The following COX10 variants were observed in gnomAD, a reference collection of about 807,000 sequenced individuals.
COX10 encodes cytochrome c oxidase assembly factor heme A:farnesyltransferase COX10.
COX10 carries 27 observed loss-of-function variants against 37.3 expected under a neutral mutation model. That is an observed-to-expected ratio of 0.72 (90% CI 0.53 to 1.00). COX10 has a LOEUF of 1.00. COX10 is among the 50% of genes least tolerant of loss of function. COX10 has a pLI of 0.00. For missense variants in COX10, 475 were observed against 563.2 expected (o/e 0.84, Z 1.59); for synonymous variants, 222 against 229.1 (o/e 0.97, Z 0.28).
chr17:14,103,109 T>C (rs781752562), intron 4 of COX10, among the ~76,000 whole-genome samples: 23 of 151,780 alleles, frequency 1.5e-4, no homozygotes, highest in Non-Finnish European at 2.8e-4. Context: ...AGTTTTTTTG[T>C]TGTTGTTGTT....
At chr17:14,186,903 A>C (rs1403575609) in intron 5 of COX10, among the ~76,000 whole-genome samples, 3 of 152,002 alleles carry the variant, frequency 2.0e-5, no homozygotes, top group African/African-American at 7.2e-5. Context: ...CCTGTTTCCA[A>C]GTTATTTTAC....
rs1286752691 is a variant in COX10, at chr17:14,080,058, G to A, written c.499+3002G>A. Among the ~76,000 whole-genome samples the A allele has an allele frequency of 3.3e-5, 5 of 151,848 alleles. 1 individual carries two copies. The highest frequency in any genetic ancestry group is 3.4e-3 in the Middle Eastern group (1 of 292). On this transcript the variant is annotated intron_variant, in intron 3 of 6. Transcript: ENST00000261643. ...TTAAAAGCAACTCTGTTACTTTTAC[G>A]TATACGTCTTTGTACTCACGTGAGT... is the stretch of plus-strand genomic sequence containing the variant.
chr17:14,070,278 C>T (rs965250095), intron 1 of COX10, among the ~76,000 whole-genome samples: 1 of 152,144 alleles, frequency 6.6e-6, no homozygotes, highest in African/African-American at 2.4e-5. Flanking sequence ...TTATAGAGAC[C>T]ACCCTATATA....
rs149766598 is a variant in COX10, at chr17:14,127,563, A to G, written c.624+25321A>G. 3.8e-3 allele frequency among the ~76,000 whole-genome samples: 572 copies of G among 152,310 alleles called. 17 individuals carry two copies. The highest frequency in any genetic ancestry group is 0.032 in the Admixed American group (494 of 15,298). ...ACATACAAAAATTCAAGTGCAGTTA[A>G]TGCATTCTATTTATAATATTCATGT... On this transcript the variant is annotated intron_variant, in intron 4 of 6. Coordinates refer to ENST00000261643, the MANE Select transcript of COX10 (RefSeq NM_001303.4).
At chr17:14,126,152 T>C (rs1006807344) in intron 4 of COX10, among the ~76,000 whole-genome samples, 1 of 152,178 alleles carries the variant, frequency 6.6e-6, no homozygotes, top group Non-Finnish European at 1.5e-5. Context: ...CTTTCATTAC[T>C]TTCTATTTAT....
intron 5 of COX10, among the ~76,000 whole-genome samples, chr17:14,186,481 A>AC: frequency 6.6e-6 from 1 of 151,334 alleles, no homozygotes; most frequent in East Asian, 1.9e-4. Context: ...TCCTAGAAAC[A>AC]CCCCCTGTCC....
At chr17:14,095,832 T>G (rs2142195706) in intron 3 of COX10, among the ~76,000 whole-genome samples, 1 of 152,314 alleles carries the variant, frequency 6.6e-6, no homozygotes, top group East Asian at 1.9e-4. Flanking sequence ...GGAAGCAGCC[T>G]GTAGTGCTTG....
At chr17:14,070,132 G>A (rs937498806) in intron 1 of COX10, among the ~76,000 whole-genome samples, 3 of 152,082 alleles carry the variant, frequency 2.0e-5, no homozygotes, top group Non-Finnish European at 2.9e-5. Flanking sequence ...TCAGACTTTT[G>A]TCTCTGTACC....
chr17:14,202,766 C>G (rs746397206), intron 6 of COX10, among the ~76,000 whole-genome samples: 1 of 151,260 alleles, frequency 6.6e-6, no homozygotes, highest in Non-Finnish European at 1.5e-5. Context: ...CCTGTTCCCC[C>G]CTGCGCTGGG....
At chr17:14,107,618 C>T (rs536194762) in intron 4 of COX10, among the ~76,000 whole-genome samples, 1 of 151,842 alleles carries the variant, frequency 6.6e-6, no homozygotes, top group Non-Finnish European at 1.5e-5. Context: ...CCTCAGCTTT[C>T]ACCCTCTTTG....
chr17:14,077,766 C>A lies in COX10; in HGVS notation c.499+710C>A, dbSNP rs553886232. 2.0e-5 allele frequency among the ~76,000 whole-genome samples: 3 copies of A among 152,182 alleles called. No homozygotes were observed. The South Asian group carries it at 6.2e-4, about 32-fold the overall frequency. On this transcript the variant is annotated intron_variant, in intron 3 of 6. Transcript: ENST00000261643. Reference sequence around the variant, plus strand: ...CAACTTGAGGGAGACCTGGTTTATTCTTCTTAAATGAGAATAAAGAGACTG... The same window carrying A: ...CAACTTGAGGGAGACCTGGTTTATTATTCTTAAATGAGAATAAAGAGACTG...
At chr17:14,184,669 A>G (rs1905972564) in intron 5 of COX10, among the ~76,000 whole-genome samples, 1 of 152,248 alleles carries the variant, frequency 6.6e-6, no homozygotes, top group Non-Finnish European at 1.5e-5. Flanking sequence ...CTAATTGATA[A>G]CAGAGCTAGT....
Position 14,202,657 on chromosome 17 carries a change from G to A in COX10, c.929-4153G>A, listed in dbSNP as rs562974119. 1.4e-4 allele frequency among the ~76,000 whole-genome samples: 21 copies of A among 152,142 alleles called. No individual in the cohort carries two copies. The East Asian group carries it at 2.7e-3, about 20-fold the overall frequency. ...ACTTAAAATAGTCAAAAGTAAAACC[G>A]TTCGTGTCTCTACCGTGAGCACACT... On this transcript the variant is annotated intron_variant, in intron 6 of 6. Transcript: ENST00000261643.
intron 5 of COX10, among the ~76,000 whole-genome samples, chr17:14,181,532 T>G (rs560288482): frequency 6.6e-6 from 1 of 152,002 alleles, no homozygotes; most frequent in East Asian, 1.9e-4. Flanking sequence ...TTATAAATTG[T>G]GTTTTATTTA....
chr17:14,098,978 T>A (rs1436371140), intron 3 of COX10, among the ~76,000 whole-genome samples: 1 of 152,092 alleles, frequency 6.6e-6, no homozygotes, highest in Non-Finnish European at 1.5e-5. Context: ...GGACAACACA[T>A]GCTTTCTGGC....
rs1364224981 is a variant in COX10, at chr17:14,159,876, G to GT, written c.630dup (p.Glu211Ter). ...TCTGTCTTTTTTCATTCTTTTTACAGTTTTTTGAGGTGCCATTTGACTCAA... is the reference window on the plus strand; with the variant it reads ...TCTGTCTTTTTTCATTCTTTTTACAGTTTTTTTGAGGTGCCATTTGACTCAA... On this transcript the variant is annotated frameshift_variant and splice_region_variant. Coordinates refer to ENST00000261643, the MANE Select transcript of COX10 (RefSeq NM_001303.4). LOFTEE classifies it high-confidence loss of function. 2 of 1,609,206 alleles carry GT rather than the reference G, an allele frequency of 1.2e-6. No individual in the cohort carries two copies. The highest frequency in any genetic ancestry group is 2.2e-5 in the East Asian group (1 of 44,768).
At chr17:14,081,977 A>G (rs1237235955) in intron 3 of COX10, among the ~76,000 whole-genome samples, 2 of 152,216 alleles carry the variant, frequency 1.3e-5, no homozygotes, top group Non-Finnish European at 2.9e-5. Flanking sequence ...TGCTACTGGC[A>G]TATCCAGGTG....
intron 3 of COX10, among the ~76,000 whole-genome samples, chr17:14,090,535 A>G (rs1915503854): frequency 6.6e-6 from 1 of 152,216 alleles, no homozygotes; most frequent in South Asian, 2.1e-4. Flanking sequence ...TTTTACAAGG[A>G]TGCAGAGATG....
intron 4 of COX10, among the ~76,000 whole-genome samples, chr17:14,108,856 G>T (rs1915954028): frequency 6.6e-6 from 1 of 151,926 alleles, no homozygotes; most frequent in Admixed American, 6.6e-5. Context: ...GATGTTTCTT[G>T]TGTTTTGACT....
Sources: allele counts gnomAD v4.1 joint callset (sites outside exome capture counted in the v4.1 genomes callset), GRCh38; gene constraint gnomAD v4.1.1; transcripts MANE v1.5; gene names NCBI Gene and HGNC (gene_info 2026-07-23, HGNC 2026-07-21).